HERPUD2: variants seen among roughly 807,000 people sequenced by gnomAD.
HERPUD2 encodes homocysteine-responsive endoplasmic reticulum-resident ubiquitin-like domain member 2 protein.
Under a neutral mutation model 49.9 loss-of-function variants are expected in HERPUD2, and 13 were observed. The ratio of observed to expected loss-of-function variants is 0.26; its 90% CI spans 0.17 to 0.41. The LOEUF (loss-of-function observed/expected upper bound fraction) is 0.41, where lower values mean the gene tolerates loss of function less well. HERPUD2 is among the 10% of genes least tolerant of loss of function. The pLI, the probability that HERPUD2 is intolerant of heterozygous loss-of-function variation, is 1.00. For missense variants in HERPUD2, 449 were observed against 492.2 expected, an observed-to-expected ratio of 0.91 and a Z score of 0.83; for synonymous variants, 172 against 171.4, an observed-to-expected ratio of 1.00 and a Z score of -0.03.
chr7:35,673,373 C>A, intron 2 of HERPUD2, 95 bp from the exon 3 acceptor site: 1 of 873,784 alleles, frequency 1.1e-6, no homozygotes, highest in Non-Finnish European at 1.8e-6. Context: ...AATAAAACTC[C>A]CTTTAGGCAC....
At chr7:35,688,515 G>A (rs914408345) in intron 2 of HERPUD2, among the ~76,000 whole-genome samples, 1 of 152,168 alleles carries the variant, frequency 6.6e-6, no homozygotes, top group African/African-American at 2.4e-5. Flanking sequence ...ACACCAACTG[G>A]TAGACTGTGA....
chr7:35,650,061 T>C (rs757810364), intron 5 of HERPUD2, among the ~76,000 whole-genome samples: 1 of 152,248 alleles, frequency 6.6e-6, no homozygotes, highest in African/African-American at 2.4e-5. Context: ...ATTTTTACTT[T>C]TAAAAAATCA....
chr7:35,640,166 C>T (rs1377381340), intron 5 of HERPUD2, among the ~76,000 whole-genome samples: 1 of 152,168 alleles, frequency 6.6e-6, no homozygotes, highest in Admixed American at 6.5e-5. Context: ...GCATTTACAC[C>T]AGGGAGCTGA....
At chr7:35,665,215 G>A (rs967921140) in intron 5 of HERPUD2, among the ~76,000 whole-genome samples, 6 of 152,220 alleles carry the variant, frequency 3.9e-5, no homozygotes, top group African/African-American at 9.6e-5. Flanking sequence ...TGCCCCTAGA[G>A]GTGGAGTCTA....
chr7:35,655,539 C>T (rs754655849), intron 5 of HERPUD2, among the ~76,000 whole-genome samples: 1 of 152,168 alleles, frequency 6.6e-6, no homozygotes, highest in Non-Finnish European at 1.5e-5. Flanking sequence ...CGGAACATAT[C>T]TCAACATAAA....
chr7:35,645,656 A>G (rs1464465009), intron 5 of HERPUD2, among the ~76,000 whole-genome samples: 3 of 152,164 alleles, frequency 2.0e-5, no homozygotes, highest in African/African-American at 7.2e-5. Context: ...ATGAAAAAAA[A>G]GTTGGTTTTG....
At chr7:35,665,184 G>T (rs1186826031) in intron 5 of HERPUD2, among the ~76,000 whole-genome samples, 2 of 152,208 alleles carry the variant, frequency 1.3e-5, no homozygotes, top group African/African-American at 4.8e-5. Context: ...AGTTTCTGCT[G>T]CCTTCTGTTC....
chr7:35,686,916 A>T (rs1212540176), intron 2 of HERPUD2, among the ~76,000 whole-genome samples: 1 of 139,370 alleles, frequency 7.2e-6, no homozygotes, highest in Non-Finnish European at 1.5e-5. Context: ...AAATACAGAA[A>T]AATTAGGTGG....
In HERPUD2 at chr7:35,694,210, G is replaced by C; in HGVS notation, c.121C>G (p.Leu41Val). 1 of 1,614,134 alleles carries C rather than the reference G, an allele frequency of 6.2e-7. No homozygotes were observed. The highest frequency in any genetic ancestry group is 8.5e-7 in the Non-Finnish European group (1 of 1,180,016). Reference protein sequence around the residue: ...NWTVGKLKTHLSNVYPSKPLT... With the variant: ...NWTVGKLKTHVSNVYPSKPLT... Reference sequence around the variant, plus strand: ...GGTTTGCTAGGGTAAACGTTAGATAGATGCGTTTTTAGTTTCCCCACGGTC... The same window carrying C: ...GGTTTGCTAGGGTAAACGTTAGATACATGCGTTTTTAGTTTCCCCACGGTC... Residue 41 changes from leucine (L) to valine (V), a missense_variant, in exon 2 of 9, where the codon CTA becomes GTA. Transcript: ENST00000311350.
At chr7:35,639,142 C>A (rs1328125070) in intron 5 of HERPUD2, among the ~76,000 whole-genome samples, 1 of 151,924 alleles carries the variant, frequency 6.6e-6, no homozygotes, top group Admixed American at 6.6e-5. Context: ...AATTCTCCTG[C>A]CTCAGTCTCC....
In HERPUD2 at chr7:35,633,068, C is replaced by CT. The variant is rs775634489; in HGVS notation, c.*621dup. ...ATAGACATTTATATGTGAAGCAGCT[C>CT]TTTTTTTTTTTTTTCTGAGACCGAG... On this transcript the variant is annotated 3_prime_UTR_variant, in exon 9 of 9. Transcript: ENST00000311350. 2.1e-3 allele frequency: 307 copies of CT among 143,626 alleles called. No individual in the cohort carries two copies. Among genetic ancestry groups the CT allele is most frequent in the Non-Finnish European group, 2.3e-3 (152 of 65,100 alleles). The allele number at this position is 143,626 out of a possible 1,614,324, so 8.9% of individuals were successfully genotyped here. A position where few individuals can be genotyped will look rare whatever the true frequency, so the allele number is the denominator to read the frequency against.
rs185381711 is a variant in HERPUD2, at chr7:35,646,125, T to C, written c.495-7653A>G. Among the ~76,000 whole-genome samples, 11 of 152,314 alleles carry C rather than the reference T, an allele frequency of 7.2e-5. No individual in the cohort carries two copies. The East Asian group carries it at 1.9e-3, about 27-fold the overall frequency. ...ACTTCATATGAGCATTAAGAAAATATTGAAAATAAAATACTGATTATAAGC... is the reference window on the plus strand; with the variant it reads ...ACTTCATATGAGCATTAAGAAAATACTGAAAATAAAATACTGATTATAAGC... On this transcript the variant is annotated intron_variant, in intron 5 of 8. Transcript: ENST00000311350.
intron 2 of HERPUD2, among the ~76,000 whole-genome samples, chr7:35,690,510 C>A (rs898556102): frequency 1.3e-5 from 2 of 152,184 alleles, no homozygotes; most frequent in Non-Finnish European, 2.9e-5. Context: ...CAAACATTAA[C>A]TCCAAAAGAA....
At chr7:35,637,635 G>A (rs1784892659) in intron 6 of HERPUD2, among the ~76,000 whole-genome samples, 2 of 151,986 alleles carry the variant, frequency 1.3e-5, no homozygotes, top group Admixed American at 6.6e-5. Context: ...CTAAGACCAC[G>A]CAAAAAAGAA....
intron 5 of HERPUD2, among the ~76,000 whole-genome samples, chr7:35,652,025 G>T (rs1451558005): frequency 1.3e-5 from 2 of 152,082 alleles, no homozygotes; most frequent in African/African-American, 4.8e-5. Context: ...CCTTATCTGG[G>T]GAATTTAGAG....
chr7:35,660,284 A>G, intron 5 of HERPUD2, among the ~76,000 whole-genome samples: 1 of 152,146 alleles, frequency 6.6e-6, no homozygotes, highest in East Asian at 1.9e-4. Context: ...TCATTGATGG[A>G]CATTTGGGTT....
Position 35,694,114 on chromosome 7 carries a change from G to A in HERPUD2, c.147+70C>T, listed in dbSNP as rs544351008. The stretch of plus-strand genomic sequence containing the variant: ...GATTCAAGACTGGAGGGGAGAAGCA[G>A]GAAAAAGGAGGGTACACGGCACGAA... On this transcript the variant is annotated intron_variant, in intron 2 of 8. Transcript: ENST00000311350. 4.5e-5 allele frequency: 70 copies of A among 1,544,590 alleles called. No individual in the cohort carries two copies. The South Asian group carries it at 7.3e-4, about 16-fold the overall frequency.
intron 2 of HERPUD2, among the ~76,000 whole-genome samples, chr7:35,691,873 C>A (rs997225084): frequency 9.9e-5 from 15 of 152,268 alleles, no homozygotes; most frequent in African/African-American, 3.4e-4. Context: ...TGCTTCAAAT[C>A]AATTCTCACG....
At chr7:35,658,793 T>TA (rs1478218631) in intron 5 of HERPUD2, among the ~76,000 whole-genome samples, 1 of 152,220 alleles carries the variant, frequency 6.6e-6, no homozygotes, top group Non-Finnish European at 1.5e-5. Context: ...AGTCAAGACT[T>TA]ACAAATGGAA....
Sources: gnomAD v4.1 joint callset for allele counts (sites outside exome capture counted in the v4.1 genomes callset) on GRCh38, gnomAD v4.1.1 for gene constraint, MANE v1.5 for transcripts, NCBI Gene and HGNC (gene_info 2026-07-23, HGNC 2026-07-21) for gene names.